The following CDH13 variants were observed in gnomAD, a reference collection of about 807,000 sequenced individuals.
CDH13 encodes cadherin-13.
CDH13 carries 24 observed loss-of-function variants against 63.8 expected under a neutral mutation model. The ratio of observed to expected loss-of-function variants is 0.38; its 90% CI spans 0.27 to 0.53. The LOEUF is 0.53. Among genes scored for constraint, CDH13 ranks in the 20% least tolerant of loss-of-function variants. The probability of loss-of-function intolerance (pLI) is 0.85; values close to 1 mark genes in which losing one functional copy is unlikely to be tolerated. For missense variants in CDH13, 1,049 were observed against 903.1 expected (o/e 1.16, Z -2.07); for synonymous variants, 503 against 355.3 (o/e 1.42, Z -4.67).
intron 8 of CDH13, among the ~76,000 whole-genome samples, chr16:83,622,173 C>T (rs377726084): frequency 5.9e-5 from 9 of 152,132 alleles, no homozygotes; most frequent in African/African-American, 2.2e-4. Flanking sequence ...AGCCCTATGA[C>T]GTAGGTACTC....
intron 2 of CDH13, among the ~76,000 whole-genome samples, chr16:83,031,240 T>TGC (rs1916287928): frequency 6.8e-6 from 1 of 146,448 alleles, no homozygotes; most frequent in African/African-American, 2.5e-5. Context: ...ATACACCATA[T>TGC]ACATGCGCAT....
intron 7 of CDH13, among the ~76,000 whole-genome samples, chr16:83,558,960 A>G (rs5010339): frequency 1 from 151,932 of 152,222 alleles, 75,824 homozygotes; most frequent in Middle Eastern, 1. Context: ...GTCCAACACC[A>G]TGGAGGACCA....
chr16:82,678,814 G>A (rs966707756), intron 1 of CDH13, among the ~76,000 whole-genome samples: 2 of 152,146 alleles, frequency 1.3e-5, no homozygotes, highest in Admixed American at 6.5e-5. Context: ...CTATCTCTTA[G>A]AGCCCAGTAC....
chr16:83,059,762 C>G (rs926170556), intron 3 of CDH13, among the ~76,000 whole-genome samples: 14 of 150,936 alleles, frequency 9.3e-5, no homozygotes, highest in African/African-American at 3.4e-4. Flanking sequence ...TTTCTTAATC[C>G]AGACTTTTGC....
chr16:83,287,266 A>T (rs2089341539), intron 5 of CDH13, among the ~76,000 whole-genome samples: 1 of 152,212 alleles, frequency 6.6e-6, no homozygotes. Context: ...CCAGAGAGGC[A>T]TTCGCTTCAG....
At chr16:82,921,460 C>A (rs766116249) in intron 2 of CDH13, among the ~76,000 whole-genome samples, 1 of 152,114 alleles carries the variant, frequency 6.6e-6, no homozygotes, top group Non-Finnish European at 1.5e-5. Flanking sequence ...TATAAGAAAA[C>A]AGTGCTGGCA....
chr16:82,957,834 T>A (rs1161359004), intron 2 of CDH13, among the ~76,000 whole-genome samples: 2 of 152,188 alleles, frequency 1.3e-5, no homozygotes, highest in African/African-American at 4.8e-5. Context: ...ATAATGAATA[T>A]CTCTTAAACT....
At chr16:83,240,016 C>G (rs1157563639) in intron 5 of CDH13, among the ~76,000 whole-genome samples, 2 of 152,158 alleles carry the variant, frequency 1.3e-5, no homozygotes, top group Non-Finnish European at 2.9e-5. Flanking sequence ...GAAAGCCCCA[C>G]AGGTGTACAG....
chr16:83,072,927 C>A (rs145727075), intron 3 of CDH13, among the ~76,000 whole-genome samples: 10 of 152,258 alleles, frequency 6.6e-5, no homozygotes, highest in Non-Finnish European at 2.9e-5. Context: ...TTTAAATATA[C>A]ATTAGAATGA....
At chr16:83,547,022 A>T (rs2075399084) in intron 7 of CDH13, among the ~76,000 whole-genome samples, 2 of 152,200 alleles carry the variant, frequency 1.3e-5, no homozygotes, top group Admixed American at 1.3e-4. Flanking sequence ...GTTGGCTTGA[A>T]TTTTAATCCA....
At chr16:82,817,793 A>G (rs1368672977) in intron 1 of CDH13, among the ~76,000 whole-genome samples, 4 of 152,206 alleles carry the variant, frequency 2.6e-5, no homozygotes, top group Non-Finnish European at 5.9e-5. Flanking sequence ...CCACAGAGTG[A>G]GACTCCATCT....
intron 3 of CDH13, among the ~76,000 whole-genome samples, chr16:83,106,276 A>G (rs1380361187): frequency 6.6e-6 from 1 of 152,232 alleles, no homozygotes; most frequent in African/African-American, 2.4e-5. Context: ...ACCATGGCTC[A>G]TGCCTGTAAT....
chr16:83,264,625 T>C lies in CDH13; in HGVS notation c.636+47128T>C, dbSNP rs191661860. On this transcript the variant is annotated intron_variant, in intron 5 of 13. Transcript: ENST00000567109. Reference sequence around the variant, plus strand: ...AGACTAATGCAATAACTTTTAAGGTTCTTTTTGATTGAAGAAATATATGTA... The same window carrying C: ...AGACTAATGCAATAACTTTTAAGGTCCTTTTTGATTGAAGAAATATATGTA... Among the ~76,000 whole-genome samples, 410 of 152,048 alleles carry C rather than the reference T, an allele frequency of 2.7e-3. 2 individuals are homozygous for C. The highest frequency in any genetic ancestry group is 9.2e-3 in the African/African-American group (380 of 41,484).
At chr16:83,286,911 A>C (rs1274683393) in intron 5 of CDH13, among the ~76,000 whole-genome samples, 4 of 151,864 alleles carry the variant, frequency 2.6e-5, no homozygotes, top group Non-Finnish European at 5.9e-5. Flanking sequence ...CAAGGGCTGG[A>C]TATTTGATTC....
At chr16:83,329,737 A>T (rs1269141614) in intron 5 of CDH13, among the ~76,000 whole-genome samples, 2 of 151,972 alleles carry the variant, frequency 1.3e-5, no homozygotes, top group African/African-American at 4.8e-5. Context: ...TGGAAATTTG[A>T]TTACTTTAGA....
chr16:82,939,067 G>C (rs2151306016), intron 2 of CDH13, among the ~76,000 whole-genome samples: 1 of 152,298 alleles, frequency 6.6e-6, no homozygotes, highest in South Asian at 2.1e-4. Flanking sequence ...GTGGGGTGCA[G>C]TCTGAGGAAT....
intron 2 of CDH13, among the ~76,000 whole-genome samples, chr16:83,007,541 G>A (rs1913658501): frequency 6.6e-6 from 1 of 152,088 alleles, no homozygotes; most frequent in Admixed American, 6.5e-5. Flanking sequence ...TAAGAAAAAT[G>A]TCTTAAGGCC....
intron 4 of CDH13, among the ~76,000 whole-genome samples, chr16:83,139,409 A>G (rs1056285871): frequency 6.6e-6 from 1 of 152,202 alleles, no homozygotes; most frequent in African/African-American, 2.4e-5. Flanking sequence ...TCTAGCCTCA[A>G]ATTTATTTTA....
intron 3 of CDH13, among the ~76,000 whole-genome samples, chr16:83,054,125 A>T (rs2030677273): frequency 6.6e-6 from 1 of 152,198 alleles, no homozygotes; most frequent in Admixed American, 6.5e-5. Flanking sequence ...CTAGGTGTGT[A>T]GTAAGCTATA....
Sources: allele counts gnomAD v4.1 joint callset (sites outside exome capture counted in the v4.1 genomes callset), GRCh38; gene constraint gnomAD v4.1.1; transcripts MANE v1.5; gene names NCBI Gene and HGNC (gene_info 2026-07-23, HGNC 2026-07-21).